MUS81: variants seen among roughly 807,000 people sequenced by gnomAD.
MUS81 encodes the protein MUS81 structure-specific endonuclease subunit, also known as structure-specific endonuclease subunit MUS81.
In MUS81, 69 loss-of-function variants were observed where a neutral mutation model predicts 74.2. The ratio of observed to expected loss-of-function variants is 0.93; its 90% confidence interval spans 0.77 to 1.14. The LOEUF (loss-of-function observed/expected upper bound fraction) is 1.14, where lower values mean the gene tolerates loss of function less well. Ranked by LOEUF, MUS81 falls within the 50% of genes most tolerant of loss-of-function variation. The probability of loss-of-function intolerance (pLI) is 0.00; values close to 1 mark genes in which losing one functional copy is unlikely to be tolerated. For synonymous variants in MUS81, 303 were observed against 300.6 expected (o/e 1.01, Z -0.08); for missense variants, 711 against 726.5 (o/e 0.98, Z 0.25).
Position 65,865,294 on chromosome 11 carries a change from C to T in MUS81, c.1476C>T (p.Ala492=), listed in dbSNP as rs755188977. ...VRGVSGEKAA[A]LVDRYSTPAS... is the part of the protein sequence containing the mutation. Reference sequence around the variant, plus strand: ...GAGTGAGTGGGGAGAAGGCAGCAGCCCTGGTGGATCGATACAGCACCCCTG... The same window carrying T: ...GAGTGAGTGGGGAGAAGGCAGCAGCTCTGGTGGATCGATACAGCACCCCTG... The change falls in exon 14 of 16, where the codon GCC becomes GCT. Residue 492 remains alanine (A), a synonymous_variant. Transcript: ENST00000308110. 3.1e-6 allele frequency: 5 copies of T among 1,613,954 alleles called. No homozygotes were observed. Among genetic ancestry groups the T allele is most frequent in the Non-Finnish European group, 3.4e-6 (4 of 1,179,988 alleles).
chr11:65,862,264 T>G lies in MUS81; in HGVS notation c.504T>G (p.Ala168=). 6.2e-7 allele frequency: 1 copy of G among 1,613,728 alleles called. No individual in the cohort carries two copies. Among genetic ancestry groups the G allele is most frequent in the Non-Finnish European group, 8.5e-7 (1 of 1,179,982 alleles). ...LTKEELLQRC[A]QKSPRVAPGS... ...AGGAGGAGCTGCTGCAGAGGTGTGCTCAGAAGTCCCCCAGGGTGAGCACAG... is the reference window on the plus strand; with the variant it reads ...AGGAGGAGCTGCTGCAGAGGTGTGCGCAGAAGTCCCCCAGGGTGAGCACAG... Residue 168 remains alanine, a synonymous_variant, in exon 5 of 16, where the codon GCT becomes GCG. Transcript: ENST00000308110.
Position 65,860,489 on chromosome 11 carries a change from T to C in MUS81, c.-265T>C. 1.7e-6 allele frequency: 1 copy of C among 571,448 alleles called. No individual in the cohort carries two copies. The highest frequency in any genetic ancestry group is 3.2e-6 in the Non-Finnish European group (1 of 316,602). 35.4% of individuals were successfully genotyped at this position (571,448 alleles called of 1,614,324 possible). A position where few individuals can be genotyped will look rare whatever the true frequency, so the allele number is the denominator to read the frequency against. On this transcript the variant is annotated 5_prime_UTR_variant, in exon 1 of 16. Transcript: ENST00000308110. Reference sequence around the variant, plus strand: ...CTGGGAAAGGGCGCGTCTCAAAGGCTGGCTGGAGTGGAGCCAAGGGAAAAG... The same window carrying C: ...CTGGGAAAGGGCGCGTCTCAAAGGCCGGCTGGAGTGGAGCCAAGGGAAAAG...
In MUS81 at chr11:65,862,191, C is replaced by T. The variant is rs373424776; in HGVS notation, c.451-20C>T. 26 of 1,612,660 alleles carry T rather than the reference C, an allele frequency of 1.6e-5. No homozygotes were observed. The highest frequency in any genetic ancestry group is 2.0e-5 in the Non-Finnish European group (24 of 1,179,550). On this transcript the variant is annotated intron_variant, in intron 4 of 15. Transcript: ENST00000308110. The stretch of plus-strand genomic sequence containing the variant: ...GGCCCTGGCACTGAGCCTACCCTGT[C>T]TTTTCTACCTTGGTTTCAGAATCCT...
Position 65,861,434 on chromosome 11 carries a change from C to A in MUS81, c.350C>A (p.Pro117Gln). ...GCGGAAGTCCAGGACTCTTCCATGC[C>A]AGTGAGGAAGGGGCAAGGGGAGTGG... is the stretch of plus-strand genomic sequence containing the variant. ...RLAEVQDSSM[P>Q]VPAQPKAGGS... The change falls in exon 3 of 16, where the codon CCA becomes CAA. Residue 117 changes from proline (P) to glutamine (Q), a missense_variant and splice_region_variant. Pro to Gln is a moderately conservative substitution (Grantham distance 76). Coordinates refer to ENST00000308110, the MANE Select transcript of MUS81 (RefSeq NM_025128.5). 1.3e-6 allele frequency: 2 copies of A among 1,597,452 alleles called. No homozygotes were observed. Among genetic ancestry groups the A allele is most frequent in the Non-Finnish European group, 1.7e-6 (2 of 1,170,870 alleles).
chr11:65,861,263 C>T (rs1859590940), intron 2 of MUS81, 87 bp from the exon 3 acceptor site: 1 of 1,533,622 alleles, frequency 6.5e-7, no homozygotes, highest in African/African-American at 1.4e-5. Context: ...TCACCGGTCT[C>T]ACGTAACCAT....
chr11:65,864,709 C>T lies in MUS81; in HGVS notation c.1177-11C>T. 1 of 1,614,040 alleles carries T rather than the reference C, an allele frequency of 6.2e-7. No individual in the cohort carries two copies. The highest frequency in any genetic ancestry group is 1.1e-5 in the South Asian group (1 of 91,078). On this transcript the variant is annotated splice_polypyrimidine_tract_variant and intron_variant, in intron 11 of 15. Coordinates refer to ENST00000308110, the MANE Select transcript of MUS81 (RefSeq NM_025128.5). The stretch of plus-strand genomic sequence containing the variant: ...GGAGCCACCTTCCCTCTCTTGGGTC[C>T]TCTTCCCCAGGTCATTGATGGCTTT...
chr11:65,863,561 G>C, intron 8 of MUS81, 39 bp from the exon 9 acceptor site: 1 of 1,613,942 alleles, frequency 6.2e-7, no homozygotes, highest in Non-Finnish European at 8.5e-7. Context: ...GGTAGGCACT[G>C]CCCTGCTCTG....
In MUS81 at chr11:65,861,334, CTT is replaced by C; in HGVS notation, c.266-13_266-12del. The C allele has an allele frequency of 1.3e-6, 2 of 1,578,976 alleles. No individual in the cohort carries two copies. Among genetic ancestry groups the C allele is most frequent in the Non-Finnish European group, 1.7e-6 (2 of 1,160,336 alleles). ...GGATTCGTGGAGTGTGGAGTTAACT[CTT>C]TTCTCTCCCGCAGGTGACCATGCCC... On this transcript the variant is annotated splice_polypyrimidine_tract_variant and intron_variant, in intron 2 of 15. Coordinates refer to ENST00000308110, the MANE Select transcript of MUS81 (RefSeq NM_025128.5).
At position 65,862,065 on chromosome 11, in the gene MUS81, G is replaced by T; in HGVS notation, c.450+20G>T. On this transcript the variant is annotated intron_variant, in intron 4 of 15. Coordinates refer to ENST00000308110, the MANE Select transcript of MUS81 (RefSeq NM_025128.5). ...CACCTGGTGAGCACTGGGCTACACC[G>T]GGAGGCGGAACCATGGCAGTGGGGT... is the stretch of plus-strand genomic sequence containing the variant. 6.2e-7 allele frequency: 1 copy of T among 1,602,806 alleles called. No individual in the cohort carries two copies.
downstream of MUS81, chr11:65,866,814 G>A (rs780449919): frequency 3.9e-5 from 57 of 1,455,008 alleles, no homozygotes; most frequent in Non-Finnish European, 4.9e-5. Flanking sequence ...GCCCACCTCA[G>A]CCACCAGGAC....
At chr11:65,867,627 T>G, downstream of MUS81, 1 of 572,552 alleles carries the variant, frequency 1.7e-6, no homozygotes. Context: ...CTGAGATCAA[T>G]ATGGAAAACC....
rs760743289 is a variant in MUS81, at chr11:65,863,521, A to G, written c.839+19A>G. 5.6e-6 allele frequency: 9 copies of G among 1,614,058 alleles called. No individual in the cohort carries two copies. Among genetic ancestry groups the G allele is most frequent in the Non-Finnish European group, 7.6e-6 (9 of 1,179,968 alleles). ...CCCGGGGGTGAGTGAGGTGGGGAGA[A>G]ACGAGGGAGATGATCAGAGGAGGCT... On this transcript the variant is annotated intron_variant, in intron 8 of 15. Transcript: ENST00000308110.
downstream of MUS81, chr11:65,866,776 C>T: frequency 8.9e-7 from 1 of 1,121,808 alleles, no homozygotes; most frequent in Non-Finnish European, 1.3e-6. Context: ...CACCCTGCCC[C>T]AGCCTGAGGC....
Position 65,866,220 on chromosome 11 carries a change from G to T in MUS81, c.*168G>T. 1.5e-6 allele frequency: 1 copy of T among 662,900 alleles called. No homozygotes were observed. The allele number at this position is 662,900 out of a possible 1,614,324, so 41.1% of individuals were successfully genotyped here. On this transcript the variant is annotated 3_prime_UTR_variant, in exon 16 of 16. Coordinates refer to ENST00000308110, the MANE Select transcript of MUS81 (RefSeq NM_025128.5). ...ACCTTGTGAAATACGCAGGAACCAG[G>T]GATACCATCTGGTCCAGTGGTTTTT...
intron 10 of MUS81, 66 bp from the exon 11 acceptor site, chr11:65,864,431 T>A (rs536197876): frequency 7.1e-7 from 1 of 1,407,846 alleles, no homozygotes; most frequent in African/African-American, 1.4e-5. Flanking sequence ...GAGTGTGACA[T>A]CATGGATGCC....
At chr11:65,864,136 G>C in intron 10 of MUS81, 1 of 600,138 alleles carries the variant, frequency 1.7e-6, no homozygotes, top group East Asian at 2.8e-5. Context: ...AAGACCTCTT[G>C]GGTACCCAGC....
At chr11:65,863,961 G>A (rs1859718338) in intron 10 of MUS81, 60 bp downstream of exon 10, 1 of 1,557,754 alleles carries the variant, frequency 6.4e-7, no homozygotes, top group African/African-American at 1.4e-5. Flanking sequence ...TTTCAGCCCA[G>A]AGCAATCCAG....
intron 8 of MUS81, 33 bp from the exon 9 acceptor site, chr11:65,863,567 C>T: frequency 6.2e-7 from 1 of 1,613,984 alleles, no homozygotes; most frequent in Non-Finnish European, 8.5e-7. Context: ...CACTGCCCTG[C>T]TCTGATCTAG....
intron 6 of MUS81, 104 bp downstream of exon 6, chr11:65,862,633 G>GC (rs901843328): frequency 3.3e-5 from 37 of 1,108,610 alleles, no homozygotes; most frequent in South Asian, 1.1e-4. Context: ...AGATTGGGGG[G>GC]GGTGGGCCTT....
Sources: gnomAD v4.1 joint callset for allele counts on GRCh38, gnomAD v4.1.1 for gene constraint, MANE v1.5 for transcripts, NCBI Gene and HGNC (gene_info 2026-07-23, HGNC 2026-07-21) for gene names.